RIPOR2: variants seen among roughly 807,000 people sequenced by gnomAD.
RIPOR2 encodes the protein rho family-interacting cell polarization regulator 2.
In RIPOR2, 39 loss-of-function variants were observed where a neutral mutation model predicts 114.5. The ratio of observed to expected loss-of-function variants is 0.34; its 90% confidence interval spans 0.26 to 0.44. The LOEUF is 0.44. Among genes scored for constraint, RIPOR2 ranks in the 20% least tolerant of loss-of-function variants. The pLI is 1.00. For missense variants in RIPOR2, 1,007 were observed against 1,255.1 expected (o/e 0.80, Z 2.99); for synonymous variants, 445 against 484.4 (o/e 0.92, Z 1.07).
At chr6:24,823,879 C>T (rs182972350) in intron 19 of RIPOR2, among the ~76,000 whole-genome samples, 1 of 152,292 alleles carries the variant, frequency 6.6e-6, no homozygotes, top group East Asian at 1.9e-4. Context: ...GCCTCAGCCT[C>T]CTGAGTAGCT....
At chr6:24,847,684 A>G in intron 12 of RIPOR2, 1 of 1,550,548 alleles carries the variant, frequency 6.4e-7, no homozygotes. Flanking sequence ...GGAAGGATGC[A>G]GCCACCTCTT....
upstream of RIPOR2, chr6:25,042,076 T>C: frequency 1.9e-6 from 1 of 526,002 alleles, no homozygotes; most frequent in Non-Finnish European, 3.3e-6. Flanking sequence ...AAAAAAAGAG[T>C]ATTTGAGGCT....
upstream of RIPOR2, among the ~76,000 whole-genome samples, chr6:24,937,580 T>A (rs1771885887): frequency 6.6e-6 from 1 of 152,134 alleles, no homozygotes; most frequent in African/African-American, 2.4e-5. Flanking sequence ...TGGGCCTAGG[T>A]GTAGGAAATT....
At chr6:24,957,417 G>C (rs1459042028) in intron 1 of RIPOR2, among the ~76,000 whole-genome samples, 2 of 152,198 alleles carry the variant, frequency 1.3e-5, no homozygotes, top group Non-Finnish European at 2.9e-5. Context: ...GCTGGTAAAT[G>C]GGTGGCTGGG....
chr6:24,829,756 T>C (rs533893439), intron 17 of RIPOR2, among the ~76,000 whole-genome samples: 1 of 152,338 alleles, frequency 6.6e-6, no homozygotes, highest in East Asian at 1.9e-4. Flanking sequence ...GGAACCTTCA[T>C]ATAAATGTCC....
At chr6:25,034,564 C>T (rs1777149736) in intron 1 of RIPOR2, among the ~76,000 whole-genome samples, 1 of 152,190 alleles carries the variant, frequency 6.6e-6, no homozygotes, top group Non-Finnish European at 1.5e-5. Context: ...AACCAGAGAC[C>T]AAGTTATCAT....
intron 8 of RIPOR2, among the ~76,000 whole-genome samples, chr6:24,852,979 A>G (rs1245690206): frequency 6.6e-6 from 1 of 152,184 alleles, no homozygotes; most frequent in African/African-American, 2.4e-5. Context: ...ATTCCCATGA[A>G]GATAATCTGG....
chr6:24,944,521 A>G (rs927609388), intron 1 of RIPOR2, among the ~76,000 whole-genome samples: 2 of 152,260 alleles, frequency 1.3e-5, no homozygotes, highest in African/African-American at 4.8e-5. Context: ...GAGTTTCCAT[A>G]TAATTTTAAA....
chr6:25,025,868 G>A (rs1776590784), intron 1 of RIPOR2, among the ~76,000 whole-genome samples: 1 of 152,196 alleles, frequency 6.6e-6, no homozygotes, highest in Non-Finnish European at 1.5e-5. Context: ...AGAGCTGTAG[G>A]AGACTGAATT....
rs1562226364 is a variant in RIPOR2 at position 24,828,198 on chromosome 6, A to G, written c.2604T>C (p.Ser868=). 1.3e-6 allele frequency: 2 copies of G among 1,551,202 alleles called. No homozygotes were observed. The highest frequency in any genetic ancestry group is 1.7e-6 in the Non-Finnish European group (2 of 1,146,728). The change falls in exon 18 of 22, where the codon AGT becomes AGC. Residue 868 remains serine, a synonymous_variant. Coordinates refer to ENST00000643898, the MANE Select transcript of RIPOR2 (RefSeq NM_001286445.3). ...CACTGACGCCGTGGCTGGTGAAGTA[A>G]CTGTAATACTGGAAAACAGTGACGA... is the stretch of plus-strand genomic sequence containing the variant. ...SEVVTVFQYY[S]YFTSHGVSDL...
At chr6:24,852,801 G>T (rs1464826347) in intron 8 of RIPOR2, among the ~76,000 whole-genome samples, 183 bp from the exon 9 acceptor site, 1 of 152,200 alleles carries the variant, frequency 6.6e-6, no homozygotes, top group Non-Finnish European at 1.5e-5. Context: ...CACAGGTAAA[G>T]AAGACATTCC....
intron 1 of RIPOR2, among the ~76,000 whole-genome samples, chr6:25,038,112 T>C (rs1043879684): frequency 6.6e-6 from 1 of 152,254 alleles, no homozygotes; most frequent in Non-Finnish European, 1.5e-5. Context: ...CATTATACTA[T>C]TTTCTCAACT....
At chr6:24,950,426 C>A (rs1436641876) in intron 1 of RIPOR2, among the ~76,000 whole-genome samples, 1 of 152,176 alleles carries the variant, frequency 6.6e-6, no homozygotes, top group Non-Finnish European at 1.5e-5. Flanking sequence ...TTGCACAATC[C>A]TGTAATCTCA....
intron 1 of RIPOR2, among the ~76,000 whole-genome samples, chr6:24,951,214 T>C (rs1772735941): frequency 1.3e-5 from 2 of 152,192 alleles, no homozygotes; most frequent in South Asian, 4.1e-4. Flanking sequence ...CAGTGACCTT[T>C]GCTCTACCTC....
At chr6:24,963,610 G>T (rs1773400192) in intron 1 of RIPOR2, among the ~76,000 whole-genome samples, 1 of 152,048 alleles carries the variant, frequency 6.6e-6, no homozygotes, top group Admixed American at 6.5e-5. Context: ...ATTTTTCTGG[G>T]AAGACAAGGA....
intron 12 of RIPOR2, 141 bp from the exon 13 acceptor site, chr6:24,843,695 T>G: frequency 3.4e-6 from 2 of 587,778 alleles, no homozygotes. Context: ...TATTTGTTGA[T>G]GCCGTGTGTG....
At chr6:25,012,381 C>T (rs937696238) in intron 1 of RIPOR2, among the ~76,000 whole-genome samples, 1 of 152,070 alleles carries the variant, frequency 6.6e-6, no homozygotes, top group Non-Finnish European at 1.5e-5. Flanking sequence ...TAGGTATAAA[C>T]CCAAGAAAAA....
chr6:25,020,245 T>C (rs1046508988), intron 1 of RIPOR2, among the ~76,000 whole-genome samples: 1 of 152,194 alleles, frequency 6.6e-6, no homozygotes, highest in African/African-American at 2.4e-5. Context: ...TCTCCTTATG[T>C]GTTAGTGAAA....
At chr6:24,849,993 G>C in intron 10 of RIPOR2, 43 bp from the exon 11 acceptor site, 1 of 1,549,788 alleles carries the variant, frequency 6.5e-7, no homozygotes, top group Non-Finnish European at 8.8e-7. Flanking sequence ...CATCACAGCA[G>C]AGGAGAAAGG....
Sources: allele counts gnomAD v4.1 joint callset (sites outside exome capture counted in the v4.1 genomes callset), GRCh38; gene constraint gnomAD v4.1.1; transcripts MANE v1.5; gene names NCBI Gene and HGNC (gene_info 2026-07-23, HGNC 2026-07-21).